Variants in MAZ observed in about 807,000 individuals in gnomAD.
The protein encoded by MAZ is myc-associated zinc finger protein.
Under a neutral mutation model 32.7 loss-of-function variants are expected in MAZ, and 4 were observed. The observed-to-expected ratio is 0.12, with a 90% confidence interval of 0.06 to 0.28. MAZ has a LOEUF of 0.28. Ranked by LOEUF, MAZ falls within the 10% of genes least tolerant of loss-of-function variation. The pLI is 1.00. For synonymous variants in MAZ, 510 were observed against 297.6 expected, an observed-to-expected ratio of 1.71 and a Z score of -7.35; for missense variants, 763 against 667.2, an observed-to-expected ratio of 1.14 and a Z score of -1.58.
Position 29,807,391 on chromosome 16 carries a change from C to G in MAZ, c.606C>G (p.Gly202=). The stretch of plus-strand genomic sequence containing the variant: ...TGTGCGCCAAGGAGTTCAAGAACGG[C>G]TACAATCTCCGGAGGCACGAAGCCA... ...CALCAKEFKN[G]YNLRRHEAIH... Residue 202 remains glycine (G), a synonymous_variant, in exon 2 of 5, where the codon GGC becomes GGG. Transcript: ENST00000322945. 1 of 1,612,390 alleles carries G rather than the reference C, an allele frequency of 6.2e-7. No homozygotes were observed. Among genetic ancestry groups the G allele is most frequent in the Non-Finnish European group, 8.5e-7 (1 of 1,179,746 alleles).
intron 2 of MAZ, 74 bp downstream of exon 2, chr16:29,807,902 T>A: frequency 6.4e-7 from 1 of 1,557,440 alleles, no homozygotes. Flanking sequence ...TGGCCGTGGC[T>A]GGCGGGGAGG....
chr16:29,809,137 C>A (rs1243545151), intron 4 of MAZ: 2 of 501,236 alleles, frequency 4.0e-6, no homozygotes. Context: ...ACGCACCCTG[C>A]ACGGGTAGCA....
At chr16:29,807,887 T>C (rs780149311) in intron 2 of MAZ, 59 bp downstream of exon 2, 1 of 1,574,588 alleles carries the variant, frequency 6.4e-7, no homozygotes, top group South Asian at 1.1e-5. Flanking sequence ...GCGACGGAGG[T>C]GGCCTGGCCG....
At chr16:29,809,109 G>A in intron 4 of MAZ, 2 of 514,404 alleles carry the variant, frequency 3.9e-6, no homozygotes, top group Non-Finnish European at 6.8e-6. Context: ...TGGAGTACAC[G>A]GGCCGGGCTT....
At position 29,807,302 on chromosome 16, in the gene MAZ, G is replaced by C. The variant is rs752193277; in HGVS notation, c.517G>C (p.Val173Leu). Residue 173 changes from valine to leucine, a missense_variant, in exon 2 of 5, where the codon GTG becomes CTG. Coordinates refer to ENST00000322945, the MANE Select transcript of MAZ (RefSeq NM_002383.4). ...AVVAPTSTVA[V>L]APVASALEKK... ...CGTAGCCCCAACCTCGACGGTCGCC[G>C]TGGCCCCGGTCGCGTCTGCCTTGGA... The C allele has an allele frequency of 6.3e-7, 1 of 1,577,112 alleles. No individual in the cohort carries two copies. Among genetic ancestry groups the C allele is most frequent in the Non-Finnish European group, 8.6e-7 (1 of 1,163,906 alleles).
In MAZ at chr16:29,806,909, C is replaced by T; in HGVS notation, c.192+16C>T. ...TCCATTCCAGGTGAGTAGGGCCGGC[C>T]GCGGCGGCCCGGGCTGGGGGGGGAC... is the stretch of plus-strand genomic sequence containing the variant. On this transcript the variant is annotated intron_variant, in intron 1 of 4. Transcript: ENST00000322945. 7.9e-7 allele frequency: 1 copy of T among 1,272,240 alleles called. No individual in the cohort carries two copies. The allele number at this position is 1,272,240 out of a possible 1,614,324, so 78.8% of individuals were successfully genotyped here. A position where few individuals can be genotyped will look rare whatever the true frequency, so the allele number is the denominator to read the frequency against.
In MAZ at chr16:29,810,291, C is replaced by T. The variant is rs1899862701; in HGVS notation, c.*60C>T. 8 of 1,483,222 alleles carry T rather than the reference C, an allele frequency of 5.4e-6. No individual in the cohort carries two copies. Among genetic ancestry groups the T allele is most frequent in the Admixed American group, 2.0e-5 (1 of 50,946 alleles). The allele number at this position is 1,483,222 out of a possible 1,614,324, so 91.9% of individuals were successfully genotyped here. On this transcript the variant is annotated 3_prime_UTR_variant, in exon 5 of 5. Transcript: ENST00000322945. ...GAGTAGAGTCCCTTGGTACAAGCTC[C>T]TCTCCCCCCTCTTTTCCCACCAACT... is the stretch of plus-strand genomic sequence containing the variant.
rs779425101 is a variant in MAZ at position 29,807,730 on chromosome 16, C to T, written c.945C>T (p.Arg315=). ...KPYQCPVCQQ[R]FKRKDRMSYH... is the part of the protein sequence containing the mutation. ...ACCAGTGCCCGGTGTGCCAGCAGCG[C>T]TTCAAGCGCAAGGACCGCATGAGCT... is the stretch of plus-strand genomic sequence containing the variant. The change falls in exon 2 of 5, where the codon CGC becomes CGT. Residue 315 remains arginine (R), a synonymous_variant. Transcript: ENST00000322945. 1.2e-6 allele frequency: 2 copies of T among 1,612,916 alleles called. No individual in the cohort carries two copies. The highest frequency in any genetic ancestry group is 1.7e-5 in the Admixed American group (1 of 60,036).
chr16:29,808,950 G>A, intron 4 of MAZ: 1 of 583,152 alleles, frequency 1.7e-6, no homozygotes, highest in Non-Finnish European at 3.0e-6. Flanking sequence ...CTGCCAGAGA[G>A]GTTGAACCTC....
At position 29,807,419 on chromosome 16, in the gene MAZ, C is replaced by T; in HGVS notation, c.634C>T (p.His212Tyr). The change falls in exon 2 of 5, where the codon CAC becomes TAC. Residue 212 changes from histidine to tyrosine, a missense_variant. His to Tyr is a moderately conservative substitution (Grantham distance 83, BLOSUM62 2). Transcript: ENST00000322945. ...CAATCTCCGGAGGCACGAAGCCATCCACACGGGAGCCAAGGCCGGCCGGGT... is the reference window on the plus strand; with the variant it reads ...CAATCTCCGGAGGCACGAAGCCATCTACACGGGAGCCAAGGCCGGCCGGGT... Reference protein sequence around the residue: ...GYNLRRHEAIHTGAKAGRVPS... With the variant: ...GYNLRRHEAIYTGAKAGRVPS... 1 of 1,612,428 alleles carries T rather than the reference C, an allele frequency of 6.2e-7. No individual in the cohort carries two copies. Among genetic ancestry groups the T allele is most frequent in the Non-Finnish European group, 8.5e-7 (1 of 1,179,746 alleles).
rs1181835780 is a variant in MAZ at position 29,810,891 on chromosome 16, G to A, written c.*660G>A. The A allele has an allele frequency of 2.9e-6, 1 of 340,238 alleles. No homozygotes were observed. Among genetic ancestry groups the A allele is most frequent in the Non-Finnish European group, 5.7e-6 (1 of 174,372 alleles). The allele number at this position is 340,238 out of a possible 1,614,324, so 21.1% of individuals were successfully genotyped here. A position where few individuals can be genotyped will look rare whatever the true frequency, so the allele number is the denominator to read the frequency against. Reference sequence around the variant, plus strand: ...AGGAGGAAGAGCCAGGAGGGCCAGAGGCAGAGAAGAGATGGAGTCTTAGGG... The same window carrying A: ...AGGAGGAAGAGCCAGGAGGGCCAGAAGCAGAGAAGAGATGGAGTCTTAGGG... On this transcript the variant is annotated 3_prime_UTR_variant, in exon 5 of 5. Coordinates refer to ENST00000322945, the MANE Select transcript of MAZ (RefSeq NM_002383.4).
intron 4 of MAZ, chr16:29,809,075 C>T (rs1364053993): frequency 9.5e-6 from 5 of 526,980 alleles, no homozygotes; most frequent in Non-Finnish European, 1.7e-5. Flanking sequence ...GCCACAAGGT[C>T]TTGTCTCCAG....
In MAZ at chr16:29,807,449, T is replaced by C; in HGVS notation, c.664T>C (p.Ser222Pro). The change falls in exon 2 of 5, where the codon TCG becomes CCG. Residue 222 changes from serine to proline, a missense_variant. Physicochemically the swap from Ser to Pro is moderately conservative, Grantham distance 74 (BLOSUM62 -1). Transcript: ENST00000322945. ...HTGAKAGRVP[S>P]GAMKMPTMVP... ...GGGAGCCAAGGCCGGCCGGGTCCCC[T>C]CGGGTGCTATGAAGATGCCGACCAT... 1 of 1,612,282 alleles carries C rather than the reference T, an allele frequency of 6.2e-7. No individual in the cohort carries two copies. Among genetic ancestry groups the C allele is most frequent in the East Asian group, 2.2e-5 (1 of 44,840 alleles).
rs977601456 is a variant in MAZ, at chr16:29,807,460, G to A, written c.675G>A (p.Met225Ile). ...CCGGCCGGGTCCCCTCGGGTGCTAT[G>A]AAGATGCCGACCATGGTGCCCCTGA... The part of the protein sequence containing the change: ...AKAGRVPSGA[M>I]KMPTMVPLSL... Residue 225 changes from methionine to isoleucine, a missense_variant, in exon 2 of 5, where the codon ATG (methionine) becomes ATA (isoleucine). By Grantham distance (10) the Met-to-Ile change is conservative. Coordinates refer to ENST00000322945, the MANE Select transcript of MAZ (RefSeq NM_002383.4). 4.3e-6 allele frequency: 7 copies of A among 1,612,422 alleles called. No individual in the cohort carries two copies. Among genetic ancestry groups the A allele is most frequent in the South Asian group, 3.3e-5 (3 of 91,076 alleles).
chr16:29,806,443 GGCCCCGGCCCCGCGGGGCCTCCC>G (rs1391596783), upstream of MAZ: 1 of 83,806 alleles, frequency 1.2e-5, no homozygotes, highest in African/African-American at 4.6e-5. Flanking sequence ...CCCCGCCCCC[GGCCCCGGCCCCGCGGGGCCTCCC>G]GCCCCCACCC....
At chr16:29,809,000 C>T (rs1044681549) in intron 4 of MAZ, 1 of 559,990 alleles carries the variant, frequency 1.8e-6, no homozygotes, top group African/African-American at 1.9e-5. Flanking sequence ...AACTTGGCTG[C>T]TCTGGGGAAG....
Position 29,806,585 on chromosome 16 carries a change from C to T in MAZ, c.-117C>T. 1.0e-6 allele frequency: 1 copy of T among 963,694 alleles called. No homozygotes were observed. The highest frequency in any genetic ancestry group is 1.2e-6 in the Non-Finnish European group (1 of 816,030). The allele number at this position is 963,694 out of a possible 1,614,324, so 59.7% of individuals were successfully genotyped here. On this transcript the variant is annotated 5_prime_UTR_variant, in exon 1 of 5. Coordinates refer to ENST00000322945, the MANE Select transcript of MAZ (RefSeq NM_002383.4). Reference sequence around the variant, plus strand: ...GCGGGCGGCGGGGCGGCCCGCGGGCCATGCGTTCGGCGCGGCCCAGCCCGG... The same window carrying T: ...GCGGGCGGCGGGGCGGCCCGCGGGCTATGCGTTCGGCGCGGCCCAGCCCGG...
Position 29,807,754 on chromosome 16 carries a change from C to T in MAZ, c.969C>T (p.Ser323=), listed in dbSNP as rs776337750. 43 of 1,612,692 alleles carry T rather than the reference C, an allele frequency of 2.7e-5. No homozygotes were observed. The highest frequency in any genetic ancestry group is 1.2e-4 in the South Asian group (11 of 91,090). Residue 323 remains serine (S), a synonymous_variant, in exon 2 of 5, where the codon AGC becomes AGT. Coordinates refer to ENST00000322945, the MANE Select transcript of MAZ (RefSeq NM_002383.4). ...GCTTCAAGCGCAAGGACCGCATGAG[C>T]TACCACGTGCGCTCACATGACGGCG... is the stretch of plus-strand genomic sequence containing the variant. The part of the protein sequence containing the change: ...QQRFKRKDRM[S]YHVRSHDGAV...
At chr16:29,809,649 C>T (rs1899793092) in intron 4 of MAZ, 8 of 1,591,446 alleles carry the variant, frequency 5.0e-6, no homozygotes, top group Non-Finnish European at 6.9e-6. Context: ...ACTGCAAGAC[C>T]CCTGCCCAGC....
Sources: gnomAD v4.1 joint callset for allele counts on GRCh38, gnomAD v4.1.1 for gene constraint, MANE v1.5 for transcripts, NCBI Gene and HGNC (gene_info 2026-07-23, HGNC 2026-07-21) for gene names.